Variants in CYP2C19 observed in about 807,000 individuals in gnomAD.
CYP2C19 encodes cytochrome P450 2C19.
CYP2C19 carries 59 observed loss-of-function variants against 40.9 expected under a neutral mutation model. That is an observed-to-expected ratio of 1.44 (90% CI 1.17 to 1.79). The LOEUF (loss-of-function observed/expected upper bound fraction) is 1.79. Ranked by LOEUF, CYP2C19 falls within the 40% of genes most tolerant of loss-of-function variation. The pLI, the probability that CYP2C19 is intolerant of heterozygous loss-of-function variation, is 0.00. For missense variants in CYP2C19, 754 were observed against 596.9 expected (o/e 1.26, Z -2.74); for synonymous variants, 253 against 208.7 (o/e 1.21, Z -1.83).
chr10:94,811,342 A>G (rs1403931768), intron 5 of CYP2C19, among the ~76,000 whole-genome samples: 1 of 152,086 alleles, frequency 6.6e-6, no homozygotes, highest in Non-Finnish European at 1.5e-5. Context: ...TGGTGCTGAG[A>G]AGAATGTATA....
intron 5 of CYP2C19, among the ~76,000 whole-genome samples, chr10:94,793,537 T>A (rs189670280): frequency 2.0e-5 from 3 of 152,276 alleles, no homozygotes; most frequent in African/African-American, 7.2e-5. Context: ...GATGGTGTTT[T>A]GGTCTGGGTT....
chr10:94,762,990 T>G, intron 1 of CYP2C19, 117 bp downstream of exon 1: 1 of 1,116,730 alleles, frequency 9.0e-7, no homozygotes, highest in Non-Finnish European at 1.3e-6. Flanking sequence ...TAAAATACTT[T>G]GAAAGGCTTT....
intron 5 of CYP2C19, among the ~76,000 whole-genome samples, chr10:94,805,011 C>G (rs1426293180): frequency 1.3e-5 from 2 of 152,012 alleles, no homozygotes; most frequent in Non-Finnish European, 2.9e-5. Context: ...TACACATGAT[C>G]TGAATTTTTC....
chr10:94,796,001 A>G (rs1177432595), intron 5 of CYP2C19, among the ~76,000 whole-genome samples: 1 of 152,080 alleles, frequency 6.6e-6, no homozygotes, highest in Non-Finnish European at 1.5e-5. Context: ...TCTTTAGTTT[A>G]GTTAGATCCC....
chr10:94,778,621 G>A (rs1848441804), intron 3 of CYP2C19, among the ~76,000 whole-genome samples: 1 of 152,208 alleles, frequency 6.6e-6, no homozygotes, highest in Non-Finnish European at 1.5e-5. Flanking sequence ...AACAAGAGAT[G>A]CTGGTGAGAA....
chr10:94,838,791 T>C (rs1326147662), intron 6 of CYP2C19, among the ~76,000 whole-genome samples: 11 of 152,094 alleles, frequency 7.2e-5, no homozygotes. Context: ...GTTGTACATA[T>C]GGCACTTCAC....
chr10:94,852,768 A>C lies in CYP2C19; in HGVS notation c.1327A>C (p.Met443Leu). 6.2e-7 allele frequency: 1 copy of C among 1,614,068 alleles called. No homozygotes were observed. Among genetic ancestry groups the C allele is most frequent in the Non-Finnish European group, 8.5e-7 (1 of 1,179,960 alleles). ...RICVGEGLAR[M>L]ELFLFLTFIL... The stretch of plus-strand genomic sequence containing the variant: ...TTGTGTGGGAGAGGGCCTGGCCCGC[A>C]TGGAGCTGTTTTTATTCCTGACCTT... The change falls in exon 9 of 9, where the codon ATG becomes CTG. Residue 443 changes from methionine (M) to leucine (L), a missense_variant. By Grantham distance (15) the Met-to-Leu change is conservative. Coordinates refer to ENST00000371321, the MANE Select transcript of CYP2C19 (RefSeq NM_000769.4).
rs112318880 is a variant in CYP2C19, at chr10:94,839,346, C to T, written c.962-3491C>T. On this transcript the variant is annotated intron_variant, in intron 6 of 8. Coordinates refer to ENST00000371321, the MANE Select transcript of CYP2C19 (RefSeq NM_000769.4). ...TAACCACCCATGGACCTCTGCTAATCGGATTACTTATGCTTACCGATGTAG... is the reference window on the plus strand; with the variant it reads ...TAACCACCCATGGACCTCTGCTAATTGGATTACTTATGCTTACCGATGTAG... Among the ~76,000 whole-genome samples, 550 of 152,092 alleles carry T rather than the reference C, an allele frequency of 3.6e-3. 2 individuals are homozygous for T. The highest frequency in any genetic ancestry group is 0.013 in the African/African-American group (520 of 41,462).
intron 5 of CYP2C19, among the ~76,000 whole-genome samples, chr10:94,808,361 G>T (rs1848864818): frequency 6.6e-6 from 1 of 152,038 alleles, no homozygotes; most frequent in Non-Finnish European, 1.5e-5. Flanking sequence ...ATATAAAAAT[G>T]CCATGTGTAA....
intron 1 of CYP2C19, among the ~76,000 whole-genome samples, chr10:94,769,801 C>T (rs1848301671): frequency 6.6e-6 from 1 of 152,090 alleles, no homozygotes; most frequent in Non-Finnish European, 1.5e-5. Context: ...CCAAATTGTC[C>T]TTCCAGTGCC....
chr10:94,809,611 G>C (rs1848884481), intron 5 of CYP2C19, among the ~76,000 whole-genome samples: 1 of 151,746 alleles, frequency 6.6e-6, no homozygotes, highest in African/African-American at 2.4e-5. Flanking sequence ...ATGTTAAATA[G>C]AAGTGGTGAG....
chr10:94,790,298 C>A (rs556185581), intron 5 of CYP2C19, among the ~76,000 whole-genome samples: 1 of 152,200 alleles, frequency 6.6e-6, no homozygotes, highest in East Asian at 1.9e-4. Flanking sequence ...CAAACAGGAA[C>A]AATTTGACTT....
rs144928727 is a variant in CYP2C19, at chr10:94,762,770, A to G, written c.65A>G (p.Gln22Arg). 24 of 1,614,012 alleles carry G rather than the reference A, an allele frequency of 1.5e-5. No individual in the cohort carries two copies. Among genetic ancestry groups the G allele is most frequent in the Non-Finnish European group, 1.9e-5 (23 of 1,179,934 alleles). The change falls in exon 1 of 9, where the codon CAG (glutamine) becomes CGG (arginine). Residue 22 changes from glutamine (Q) to arginine (R), a missense_variant. Transcript: ENST00000371321. ...TTGCTTCTCCTTTCAATCTGGAGAC[A>G]GAGCTCTGGGAGAGGAAAACTCCCT... ...SCLLLLSIWR[Q>R]SSGRGKLPPG... is the part of the protein sequence containing the mutation.
At chr10:94,764,160 A>T (rs941713788) in intron 1 of CYP2C19, among the ~76,000 whole-genome samples, 1 of 152,116 alleles carries the variant, frequency 6.6e-6, no homozygotes, top group African/African-American at 2.4e-5. Context: ...GAGCAAAAGA[A>T]CAAAGCTTCC....
At position 94,852,736 on chromosome 10, in the gene CYP2C19, A is replaced by T. The variant is rs146991374; in HGVS notation, c.1295A>T (p.Lys432Ile). The change falls in exon 9 of 9, where the codon AAA (lysine) becomes ATA (isoleucine). Residue 432 changes from lysine to isoleucine, a missense_variant. Coordinates refer to ENST00000371321, the MANE Select transcript of CYP2C19 (RefSeq NM_000769.4). ...SNYFMPFSAG[K>I]RICVGEGLAR... ...TCCCTATGTTTGTTATTTTCAGGAA[A>T]ACGGATTTGTGTGGGAGAGGGCCTG... 1.1e-4 allele frequency: 176 copies of T among 1,613,810 alleles called. No individual in the cohort carries two copies. In the African/African-American group the frequency reaches 2.1e-3, roughly 19 times the overall value.
In CYP2C19 at chr10:94,853,781, C is replaced by A. The variant is rs949144809; in HGVS notation, c.*867C>A. Among the ~76,000 whole-genome samples, 1 of 151,888 alleles carries A rather than the reference C, an allele frequency of 6.6e-6. No homozygotes were observed. The highest frequency in any genetic ancestry group is 1.5e-5 in the Non-Finnish European group (1 of 67,984). On this transcript the variant is annotated 3_prime_UTR_variant, in exon 9 of 9. Transcript: ENST00000371321. ...CAGGATGATCTCAATCTGCTGACCT[C>A]CTGATCTGCCTGCCTCAGCCTCCCA...
chr10:94,794,436 C>G (rs1340879755), intron 5 of CYP2C19, among the ~76,000 whole-genome samples: 1 of 152,168 alleles, frequency 6.6e-6, no homozygotes. Flanking sequence ...TTCTACATTG[C>G]TCACACTGGG....
Position 94,850,092 on chromosome 10 carries a change from G to T in CYP2C19, c.1291+34G>T, listed in dbSNP as rs775122281. The T allele has an allele frequency of 2.5e-6, 4 of 1,611,806 alleles. No individual in the cohort carries two copies. In the African/African-American group the frequency reaches 5.3e-5, roughly 22 times the overall value. ...AATTTATTTCCCTTTGTGTTTCAGGGTACAAGATAACTTTTTTGATCAGTT... is the reference window on the plus strand; with the variant it reads ...AATTTATTTCCCTTTGTGTTTCAGGTTACAAGATAACTTTTTTGATCAGTT... On this transcript the variant is annotated intron_variant, in intron 8 of 8. Coordinates refer to ENST00000371321, the MANE Select transcript of CYP2C19 (RefSeq NM_000769.4).
At chr10:94,834,575 T>C (rs2134280446) in intron 6 of CYP2C19, among the ~76,000 whole-genome samples, 1 of 151,304 alleles carries the variant, frequency 6.6e-6, no homozygotes, top group East Asian at 1.9e-4. Context: ...TTTTGTGCAG[T>C]TGCAAGATTT....
Sources: allele counts gnomAD v4.1 joint callset (sites outside exome capture counted in the v4.1 genomes callset), GRCh38; gene constraint gnomAD v4.1.1; transcripts MANE v1.5; gene names NCBI Gene and HGNC (gene_info 2026-07-23, HGNC 2026-07-21).